Variants in RABEP1 observed in about 807,000 individuals in gnomAD.
RABEP1 encodes rab GTPase-binding effector protein 1.
In RABEP1, 51 loss-of-function variants were observed where a neutral mutation model predicts 123.4. That is an observed-to-expected ratio of 0.41 (90% CI 0.33 to 0.52). The LOEUF is 0.52. Among genes scored for constraint, RABEP1 ranks in the 20% least tolerant of loss-of-function variants. The probability of loss-of-function intolerance (pLI) is 0.16; values close to 1 mark genes in which losing one functional copy is unlikely to be tolerated. For missense variants in RABEP1, 888 were observed against 996.3 expected (o/e 0.89, Z 1.46); for synonymous variants, 347 against 355.2 (o/e 0.98, Z 0.26).
chr17:5,362,554 G>T (rs1909642662), intron 9 of RABEP1, among the ~76,000 whole-genome samples: 5 of 152,210 alleles, frequency 3.3e-5, no homozygotes, highest in Admixed American at 3.3e-4. Context: ...TTTATAATTG[G>T]AGCTGGTGAA....
At chr17:5,349,294 G>T (rs1010537211) in intron 6 of RABEP1, among the ~76,000 whole-genome samples, 17 of 152,218 alleles carry the variant, frequency 1.1e-4, no homozygotes, top group Non-Finnish European at 1.8e-4. Context: ...GGCCTCTGTT[G>T]TAGTTGTTTA....
chr17:5,367,432 C>G (rs190391236), intron 11 of RABEP1, among the ~76,000 whole-genome samples: 3 of 150,826 alleles, frequency 2.0e-5, no homozygotes, highest in Non-Finnish European at 4.5e-5. Flanking sequence ...CCACCACGCC[C>G]GGCTAATTTT....
intron 3 of RABEP1, among the ~76,000 whole-genome samples, chr17:5,333,412 T>C (rs1250279263): frequency 2.0e-5 from 3 of 152,192 alleles, no homozygotes; most frequent in Admixed American, 2.0e-4. Context: ...TCTGCCCGCC[T>C]CGGCCTCCCA....
chr17:5,334,294 T>G (rs1906845896), intron 3 of RABEP1, among the ~76,000 whole-genome samples: 1 of 151,888 alleles, frequency 6.6e-6, no homozygotes, highest in African/African-American at 2.4e-5. Flanking sequence ...TGCGGTGGCA[T>G]GATCTCGGCT....
At chr17:5,324,966 A>G (rs1019545465) in intron 2 of RABEP1, among the ~76,000 whole-genome samples, 1 of 152,186 alleles carries the variant, frequency 6.6e-6, no homozygotes, top group Non-Finnish European at 1.5e-5. Context: ...TCAAAAGACT[A>G]AAATAAGAGT....
chr17:5,354,280 T>G, intron 7 of RABEP1, 79 bp from the exon 8 acceptor site: 1 of 1,321,394 alleles, frequency 7.6e-7, no homozygotes, highest in South Asian at 1.5e-5. Flanking sequence ...GTTCTTTATT[T>G]GTTTTGAATG....
intron 2 of RABEP1, among the ~76,000 whole-genome samples, chr17:5,314,451 C>T (rs1198157152): frequency 2.0e-5 from 3 of 150,634 alleles, no homozygotes; most frequent in Non-Finnish European, 4.4e-5. Context: ...CCACGTTTTC[C>T]AGGCTGGTCT....
intron 1 of RABEP1, among the ~76,000 whole-genome samples, chr17:5,295,539 GTC>G (rs1335139432): frequency 6.8e-6 from 1 of 147,940 alleles, no homozygotes; most frequent in Non-Finnish European, 1.5e-5. Context: ...TGATACATGT[GTC>G]TCTAAATATT....
chr17:5,323,673 T>A (rs1008455990), intron 2 of RABEP1, among the ~76,000 whole-genome samples: 1 of 116,740 alleles, frequency 8.6e-6, no homozygotes, highest in African/African-American at 3.9e-5. Context: ...TTTCTTTCAT[T>A]GGTGATATAT....
At chr17:5,284,311 T>C (rs1428538369) in intron 1 of RABEP1, among the ~76,000 whole-genome samples, 1 of 152,206 alleles carries the variant, frequency 6.6e-6, no homozygotes, top group African/African-American at 2.4e-5. Flanking sequence ...TCTCAAATCT[T>C]GTGACTCTAG....
At chr17:5,378,127 C>A in intron 14 of RABEP1, 50 bp from the exon 15 acceptor site, 6 of 1,411,740 alleles carry the variant, frequency 4.3e-6, no homozygotes, top group South Asian at 1.2e-5. Context: ...AAAAAATGTT[C>A]ATGCACAATA....
Position 5,346,771 on chromosome 17 carries a change from G to T in RABEP1, c.649-19G>T. ...AACTGTTGTAAATTTCAGTTTAATG[G>T]AATTGCATCTTCTTTCAGGTTAAAG... On this transcript the variant is annotated intron_variant, in intron 5 of 17. Transcript: ENST00000537505. The T allele has an allele frequency of 6.7e-7, 1 of 1,502,476 alleles. No individual in the cohort carries two copies. Among genetic ancestry groups the T allele is most frequent in the South Asian group, 1.4e-5 (1 of 70,952 alleles). 93.1% of individuals were successfully genotyped at this position (1,502,476 alleles called of 1,614,324 possible). A position where few individuals can be genotyped will look rare whatever the true frequency, so the allele number is the denominator to read the frequency against.
intron 2 of RABEP1, among the ~76,000 whole-genome samples, chr17:5,326,496 T>C (rs1905980673): frequency 1.3e-5 from 2 of 150,880 alleles, no homozygotes; most frequent in Admixed American, 6.6e-5. Context: ...GAAGAGGGGG[T>C]GAATATGTAG....
intron 2 of RABEP1, among the ~76,000 whole-genome samples, chr17:5,320,421 C>CAAAAAAAAAAAAAAAAAAAAAAAAA (rs60202531): frequency 1.2e-5 from 1 of 84,648 alleles, no homozygotes; most frequent in Admixed American, 1.5e-4. Flanking sequence ...GCTAACACAC[C>CAAAAAAAAAAAAAAAAAAAAAAAAA]AAAAAAAAAA....
chr17:5,319,403 A>G (rs1382570510), intron 2 of RABEP1, among the ~76,000 whole-genome samples: 1 of 151,274 alleles, frequency 6.6e-6, no homozygotes, highest in African/African-American at 2.4e-5. Context: ...GTCTCACTTC[A>G]TCACCCAGGC....
rs141792124 is a variant in RABEP1 at position 5,296,838 on chromosome 17, G to T, written c.35-11856G>T. ...CATGGCTCACGGTAGCCTTGACCCC[G>T]TGGGGTCAGTTGATCCTCAACCTTC... On this transcript the variant is annotated intron_variant, in intron 1 of 17. Coordinates refer to ENST00000537505, the MANE Select transcript of RABEP1 (RefSeq NM_004703.6). 1.2e-3 allele frequency among the ~76,000 whole-genome samples: 180 copies of T among 152,252 alleles called. 3 individuals carry two copies. The East Asian group carries it at 0.032, about 27-fold the overall frequency.
intron 1 of RABEP1, among the ~76,000 whole-genome samples, chr17:5,291,921 C>T (rs2075037474): frequency 6.6e-6 from 1 of 152,116 alleles, no homozygotes. Flanking sequence ...GGTGATAAGT[C>T]TGATTCATCA....
At chr17:5,343,878 G>T (rs1393338262) in intron 5 of RABEP1, among the ~76,000 whole-genome samples, 1 of 151,580 alleles carries the variant, frequency 6.6e-6, no homozygotes, top group Non-Finnish European at 1.5e-5. Flanking sequence ...GTTTTGTCAT[G>T]TTGGCCAGGC....
chr17:5,300,647 CT>C (rs1278322274), intron 1 of RABEP1, among the ~76,000 whole-genome samples: 3 of 152,210 alleles, frequency 2.0e-5, no homozygotes, highest in Non-Finnish European at 4.4e-5. Context: ...TTCCTACCCT[CT>C]AACTCTTGTT....
Sources: allele counts gnomAD v4.1 joint callset (sites outside exome capture counted in the v4.1 genomes callset), GRCh38; gene constraint gnomAD v4.1.1; transcripts MANE v1.5; gene names NCBI Gene and HGNC (gene_info 2026-07-23, HGNC 2026-07-21).